TRIM2: variants seen among roughly 807,000 people sequenced by gnomAD.
TRIM2 encodes the protein tripartite motif-containing protein 2.
In TRIM2, 20 loss-of-function variants were observed where a neutral mutation model predicts 75.2. That is an observed-to-expected ratio of 0.27 (90% CI 0.19 to 0.39). TRIM2 has a LOEUF of 0.39. Ranked by LOEUF, TRIM2 falls within the 10% of genes least tolerant of loss-of-function variation. The pLI is 1.00. For missense variants in TRIM2, 660 were observed against 990.8 expected, an observed-to-expected ratio of 0.67 and a Z score of 4.48; for synonymous variants, 373 against 388.3, an observed-to-expected ratio of 0.96 and a Z score of 0.46.
chr4:153,204,497 T>A lies in TRIM2; in HGVS notation c.-34T>A, dbSNP rs59294078. The A allele has an allele frequency of 8.1e-4, 1,250 of 1,551,544 alleles. 17 individuals are homozygous for A. In the East Asian group the frequency reaches 0.026, roughly 32 times the overall value. On this transcript the variant is annotated 5_prime_UTR_variant, in exon 1 of 12. Coordinates refer to ENST00000338700, the MANE Select transcript of TRIM2 (RefSeq NM_015271.5). ...TGTCTGCGGGCTGCGGGGAGCTAAG[T>A]CCCCAGATTGGAGGAGGCTGGCTCT... is the stretch of plus-strand genomic sequence containing the variant.
chr4:153,274,123 G>T (rs568348528), intron 2 of TRIM2, among the ~76,000 whole-genome samples: 63 of 152,356 alleles, frequency 4.1e-4, no homozygotes, highest in Non-Finnish European at 7.1e-4. Flanking sequence ...AAGAGCAGTG[G>T]AAGTGGAAAC....
intron 1 of TRIM2, among the ~76,000 whole-genome samples, chr4:153,261,909 G>A (rs73854633): frequency 3.9e-5 from 6 of 152,212 alleles, no homozygotes; most frequent in Non-Finnish European, 7.3e-5. Flanking sequence ...CCACCAAATT[G>A]TAGGAGATTT....
intron 1 of TRIM2, among the ~76,000 whole-genome samples, chr4:153,181,828 T>G (rs775584269): frequency 5.3e-5 from 8 of 151,824 alleles, no homozygotes; most frequent in Non-Finnish European, 1.2e-4. Flanking sequence ...CCAGCTCATG[T>G]CTCCCCAGAT....
intron 1 of TRIM2, among the ~76,000 whole-genome samples, chr4:153,195,712 T>C (rs1205772240): frequency 6.6e-6 from 1 of 152,214 alleles, no homozygotes; most frequent in African/African-American, 2.4e-5. Flanking sequence ...CTGTATTTTG[T>C]TTCCGCTGTT....
chr4:153,265,519 A>G (rs1754761770), intron 1 of TRIM2: 3 of 151,882 alleles, frequency 2.0e-5, no homozygotes, highest in African/African-American at 7.3e-5. Context: ...AATTTTTTGT[A>G]TTTTTAGTGG....
chr4:153,284,865 G>A (rs1760231429), intron 3 of TRIM2, among the ~76,000 whole-genome samples: 1 of 152,102 alleles, frequency 6.6e-6, no homozygotes, highest in South Asian at 2.1e-4. Context: ...TATATGACTA[G>A]CCATATTTTC....
At chr4:153,188,971 A>G (rs1454924422) in intron 1 of TRIM2, among the ~76,000 whole-genome samples, 1 of 152,008 alleles carries the variant, frequency 6.6e-6, no homozygotes, top group East Asian at 1.9e-4. Context: ...GTGGATAATC[A>G]TTTACATCTC....
intron 1 of TRIM2, among the ~76,000 whole-genome samples, chr4:153,239,275 G>A (rs528551335): frequency 4.0e-5 from 6 of 151,324 alleles, no homozygotes; most frequent in Non-Finnish European, 7.4e-5. Context: ...TGGCGTGAAC[G>A]CGGGAGGCAG....
chr4:153,197,954 C>T (rs28608970), intron 1 of TRIM2, among the ~76,000 whole-genome samples: 74,398 of 151,862 alleles, frequency 0.49, 18,772 homozygotes, highest in Non-Finnish European at 0.54. Context: ...AAGACAGCTG[C>T]CTCTTAATGA....
intron 2 of TRIM2, among the ~76,000 whole-genome samples, chr4:153,271,063 A>C (rs1756555779): frequency 1.3e-5 from 2 of 152,220 alleles, no homozygotes; most frequent in Non-Finnish European, 2.9e-5. Flanking sequence ...GCTGTATGTG[A>C]AAACAGACTT....
rs922350410 is a variant in TRIM2, at chr4:153,314,398, C to T, written c.1511-1087C>T. Among the ~76,000 whole-genome samples the T allele has an allele frequency of 7.9e-5, 9 of 114,242 alleles. No individual in the cohort carries two copies. The East Asian group carries it at 1.9e-3, about 25-fold the overall frequency. 74.9% of individuals were successfully genotyped at this position (114,242 alleles called of 152,430 possible). ...TCCCGCCACTGCACTCCAGCCTGGG[C>T]GACAGAGCGAGACTCCGTCTCAAAA... On this transcript the variant is annotated intron_variant, in intron 6 of 11. Coordinates refer to ENST00000338700, the MANE Select transcript of TRIM2 (RefSeq NM_015271.5).
At chr4:153,214,335 G>T (rs1737905512) in intron 1 of TRIM2, among the ~76,000 whole-genome samples, 1 of 152,144 alleles carries the variant, frequency 6.6e-6, no homozygotes, top group South Asian at 2.1e-4. Flanking sequence ...CCAATAACCT[G>T]CATAGTGTTG....
chr4:153,183,866 C>A (rs979721496), intron 1 of TRIM2, among the ~76,000 whole-genome samples: 3 of 152,172 alleles, frequency 2.0e-5, no homozygotes, highest in Non-Finnish European at 4.4e-5. Flanking sequence ...GACCTGTGTT[C>A]CAGTTCTAGC....
chr4:153,298,724 TATATA>T (rs1763254604), intron 6 of TRIM2, among the ~76,000 whole-genome samples: 1 of 152,200 alleles, frequency 6.6e-6, no homozygotes, highest in Non-Finnish European at 1.5e-5. Context: ...CTTTCAAGTG[TATATA>T]ATATATTTCT....
intron 1 of TRIM2, among the ~76,000 whole-genome samples, chr4:153,169,976 T>C (rs964779124): frequency 1.3e-5 from 2 of 152,226 alleles, no homozygotes; most frequent in African/African-American, 4.8e-5. Context: ...AAAGAACAGA[T>C]GTGCACTTGT....
intron 1 of TRIM2, among the ~76,000 whole-genome samples, chr4:153,244,821 AG>A (rs1748687396): frequency 6.6e-6 from 1 of 152,228 alleles, no homozygotes; most frequent in Non-Finnish European, 1.5e-5. Context: ...TAAGAGGGAA[AG>A]GGAGAAGGAA....
At chr4:153,207,717 G>A (rs981578156) in intron 1 of TRIM2, among the ~76,000 whole-genome samples, 20 of 152,148 alleles carry the variant, frequency 1.3e-4, no homozygotes, top group Admixed American at 3.3e-4. Flanking sequence ...AAAGAAGGGC[G>A]GGCTGGACAT....
chr4:153,189,862 G>A (rs1009119214), intron 1 of TRIM2, among the ~76,000 whole-genome samples: 1 of 152,202 alleles, frequency 6.6e-6, no homozygotes, highest in Non-Finnish European at 1.5e-5. Flanking sequence ...GACATTTCAA[G>A]ATTCAAAAGA....
At chr4:153,269,801 A>G (rs1279165683) in intron 1 of TRIM2, among the ~76,000 whole-genome samples, 1 of 152,160 alleles carries the variant, frequency 6.6e-6, no homozygotes, top group Non-Finnish European at 1.5e-5. Flanking sequence ...CGAACATGTG[A>G]GGATTTTATT....
Sources: allele counts gnomAD v4.1 joint callset (sites outside exome capture counted in the v4.1 genomes callset), GRCh38; gene constraint gnomAD v4.1.1; transcripts MANE v1.5; gene names NCBI Gene and HGNC (gene_info 2026-07-23, HGNC 2026-07-21).